Variants in CYP39A1 observed in about 807,000 individuals in gnomAD.
CYP39A1 encodes 24-hydroxycholesterol 7-alpha-hydroxylase.
Under a neutral mutation model 58.1 loss-of-function variants are expected in CYP39A1, and 49 were observed. The observed-to-expected ratio is 0.84, with a 90% CI of 0.67 to 1.07. The LOEUF is 1.07. Among genes scored for constraint, CYP39A1 ranks in the 50% least tolerant of loss-of-function variants. The pLI is 0.00. For synonymous variants in CYP39A1, 209 were observed against 187.6 expected, an observed-to-expected ratio of 1.11 and a Z score of -0.93; for missense variants, 531 against 539.4, an observed-to-expected ratio of 0.98 and a Z score of 0.16.
At chr6:46,573,786 G>A (rs548196613) in intron 10 of CYP39A1, among the ~76,000 whole-genome samples, 1 of 152,274 alleles carries the variant, frequency 6.6e-6, no homozygotes, top group South Asian at 2.1e-4. Context: ...TCTGAGACAG[G>A]CATTTGACAG....
At position 46,642,164 on chromosome 6, in the gene CYP39A1, T is replaced by C; in HGVS notation, c.312A>G (p.Thr104=). 1 of 1,612,694 alleles carries C rather than the reference T, an allele frequency of 6.2e-7. No homozygotes were observed. Among genetic ancestry groups the C allele is most frequent in the Non-Finnish European group, 8.5e-7 (1 of 1,179,248 alleles). ...GGACTATCTGAAAATATTCTTTACC[T>C]GTACGATAAACGATATTTTGCACTG... ...ELAVQNIVYR[T]ASIPKNVFLA... Residue 104 remains threonine, a splice_region_variant and synonymous_variant, in exon 2 of 12, where the codon ACA becomes ACG. Transcript: ENST00000275016.
chr6:46,625,398 T>C lies in CYP39A1; in HGVS notation c.931+20A>G. The C allele has an allele frequency of 6.5e-7, 1 of 1,544,992 alleles. No individual in the cohort carries two copies. The highest frequency in any genetic ancestry group is 8.8e-7 in the Non-Finnish European group (1 of 1,130,316). ...ACATGCATTATTAGCTGTGTCTTCC[T>C]ATATAATAAGGTTTAGTACCTGCTT... is the stretch of plus-strand genomic sequence containing the variant. On this transcript the variant is annotated intron_variant, in intron 7 of 11. Coordinates refer to ENST00000275016, the MANE Select transcript of CYP39A1 (RefSeq NM_016593.5).
intron 10 of CYP39A1, among the ~76,000 whole-genome samples, chr6:46,574,403 A>G (rs1771746541): frequency 6.6e-6 from 1 of 152,202 alleles, no homozygotes; most frequent in African/African-American, 2.4e-5. Context: ...CAGAGCTGGG[A>G]GTGGAATCAG....
At chr6:46,625,662 G>C (rs912907804) in intron 6 of CYP39A1, among the ~76,000 whole-genome samples, 154 bp from the exon 7 acceptor site, 1 of 151,746 alleles carries the variant, frequency 6.6e-6, no homozygotes, top group South Asian at 2.1e-4. Context: ...AAAACAACTA[G>C]ATATTATTAA....
At chr6:46,615,648 A>C (rs1774488257) in intron 7 of CYP39A1, among the ~76,000 whole-genome samples, 1 of 152,198 alleles carries the variant, frequency 6.6e-6, no homozygotes, top group African/African-American at 2.4e-5. Flanking sequence ...ATAATGTGAC[A>C]AAGAAAGAAA....
intron 7 of CYP39A1, 122 bp from the exon 8 acceptor site, chr6:46,596,242 TTA>T: frequency 1.6e-6 from 1 of 622,404 alleles, no homozygotes; most frequent in South Asian, 3.0e-5. Flanking sequence ...CCTATTACTA[TTA>T]CCTATTACAG....
At chr6:46,610,899 T>A (rs1293434349) in intron 7 of CYP39A1, among the ~76,000 whole-genome samples, 1 of 152,184 alleles carries the variant, frequency 6.6e-6, no homozygotes, top group Non-Finnish European at 1.5e-5. Flanking sequence ...GATTTCTTTA[T>A]GCAAGAGAAA....
chr6:46,631,856 G>A (rs927027788), intron 5 of CYP39A1, among the ~76,000 whole-genome samples: 10 of 152,140 alleles, frequency 6.6e-5, no homozygotes, highest in East Asian at 1.9e-4. Context: ...TTCATCGGGC[G>A]GTTTCCCCAG....
intron 8 of CYP39A1, among the ~76,000 whole-genome samples, chr6:46,588,754 A>G (rs1308242383): frequency 3.3e-5 from 5 of 152,160 alleles, no homozygotes; most frequent in African/African-American, 1.2e-4. Context: ...GGAAAAGGCA[A>G]GTGTTGTGTA....
intron 10 of CYP39A1, among the ~76,000 whole-genome samples, chr6:46,564,693 C>T (rs1409758228): frequency 6.6e-6 from 1 of 152,156 alleles, no homozygotes; most frequent in Non-Finnish European, 1.5e-5. Context: ...ATACCTCTGT[C>T]ACTTTTAAAG....
intron 1 of CYP39A1, among the ~76,000 whole-genome samples, chr6:46,649,969 C>T (rs980851043): frequency 1.3e-5 from 2 of 152,054 alleles, no homozygotes; most frequent in South Asian, 2.1e-4. Context: ...AGGTTCAATA[C>T]GCCATAAGTA....
At chr6:46,646,058 T>C (rs949843500) in intron 1 of CYP39A1, among the ~76,000 whole-genome samples, 6 of 152,130 alleles carry the variant, frequency 3.9e-5, no homozygotes, top group African/African-American at 1.2e-4. Context: ...TCATGTAATC[T>C]GCAAATTAAG....
At chr6:46,595,770 TAAGC>T (rs1295182461) in intron 8 of CYP39A1, among the ~76,000 whole-genome samples, 1 of 152,054 alleles carries the variant, frequency 6.6e-6, no homozygotes, top group Non-Finnish European at 1.5e-5. Context: ...AGAAAACTGA[TAAGC>T]AAGTGAAGTG....
At chr6:46,625,801 CTAA>C (rs1004913306) in intron 6 of CYP39A1, among the ~76,000 whole-genome samples, 9 of 151,856 alleles carry the variant, frequency 5.9e-5, no homozygotes, top group Non-Finnish European at 8.8e-5. Flanking sequence ...GTTATTTTTA[CTAA>C]TGAGTAACAC....
intron 7 of CYP39A1, among the ~76,000 whole-genome samples, chr6:46,616,752 C>T (rs1182685965): frequency 6.6e-6 from 1 of 151,846 alleles, no homozygotes; most frequent in East Asian, 1.9e-4. Flanking sequence ...GTAAAATAAA[C>T]AAGGATGAAA....
At chr6:46,557,957 A>G (rs1490915489) in intron 10 of CYP39A1, among the ~76,000 whole-genome samples, 1 of 150,426 alleles carries the variant, frequency 6.6e-6, no homozygotes, top group East Asian at 1.9e-4. Context: ...AAAAAAAAGA[A>G]AAAAAGAAAA....
chr6:46,647,465 C>T (rs1044638535), intron 1 of CYP39A1, among the ~76,000 whole-genome samples: 5 of 152,178 alleles, frequency 3.3e-5, no homozygotes, highest in African/African-American at 4.8e-5. Context: ...GTCTAATTTA[C>T]CTATTTTAAT....
intron 1 of CYP39A1, among the ~76,000 whole-genome samples, chr6:46,649,630 G>A (rs2150614666): frequency 6.6e-6 from 1 of 152,218 alleles, no homozygotes; most frequent in South Asian, 2.1e-4. Flanking sequence ...TGCTTATAAG[G>A]CGGAAAATAA....
In CYP39A1 at chr6:46,632,412, C is replaced by T. The variant is rs72868075; in HGVS notation, c.733-1342G>A. ...TCTTTTCTTTCTTTTCTAAATCACA[C>T]ATTCAAGCATGAGAACCCTCTCTTC... On this transcript the variant is annotated intron_variant, in intron 5 of 11. Transcript: ENST00000275016. 6.0e-3 allele frequency among the ~76,000 whole-genome samples: 908 copies of T among 151,076 alleles called. 9 individuals carry two copies. Among genetic ancestry groups the T allele is most frequent in the Middle Eastern group, 0.011 (3 of 282 alleles).
Sources: allele counts gnomAD v4.1 joint callset (sites outside exome capture counted in the v4.1 genomes callset), GRCh38; gene constraint gnomAD v4.1.1; transcripts MANE v1.5; gene names NCBI Gene and HGNC (gene_info 2026-07-23, HGNC 2026-07-21).